The following MTHFD1L variants were observed in gnomAD, a reference collection of about 807,000 sequenced individuals.
MTHFD1L encodes monofunctional C1-tetrahydrofolate synthase, mitochondrial.
Under a neutral mutation model 119.5 loss-of-function variants are expected in MTHFD1L, and 81 were observed. That is an observed-to-expected ratio of 0.68 (90% CI 0.57 to 0.82). The LOEUF (loss-of-function observed/expected upper bound fraction) is 0.82. Ranked by LOEUF, MTHFD1L falls within the 40% of genes least tolerant of loss-of-function variation. The probability of loss-of-function intolerance (pLI) is 0.00; values close to 1 mark genes in which losing one functional copy is unlikely to be tolerated. For missense variants in MTHFD1L, 1,125 were observed against 1,253.4 expected (o/e 0.90, Z 1.55); for synonymous variants, 430 against 475.2 (o/e 0.90, Z 1.24).
chr6:151,009,272 C>T lies in MTHFD1L; in HGVS notation c.2126-547C>T, dbSNP rs151289066. ...TCACTGGCTGGTCACCTTGGCTCAA[C>T]GCCTGTAATCCCAGCACTTTGTGAG... On this transcript the variant is annotated intron_variant, in intron 20 of 27. Transcript: ENST00000367321. Among the ~76,000 whole-genome samples the T allele has an allele frequency of 2.3e-3, 352 of 151,770 alleles. 1 individual carries two copies. Among genetic ancestry groups the T allele is most frequent in the African/African-American group, 7.7e-3 (317 of 41,402 alleles).
At chr6:150,991,849 C>T (rs1036474043) in intron 20 of MTHFD1L, among the ~76,000 whole-genome samples, 4 of 152,118 alleles carry the variant, frequency 2.6e-5, no homozygotes, top group African/African-American at 9.7e-5. Context: ...CAGGAAGGCT[C>T]TCCTGAGAAG....
chr6:151,013,679 A>G (rs1009989066), intron 21 of MTHFD1L, 100 bp from the exon 22 acceptor site: 1 of 1,107,592 alleles, frequency 9.0e-7, no homozygotes. Context: ...ATAGAGGTAC[A>G]TTTCTAAAAA....
intron 24 of MTHFD1L, among the ~76,000 whole-genome samples, chr6:151,030,830 G>A (rs887748273): frequency 6.6e-6 from 1 of 152,160 alleles, no homozygotes; most frequent in Non-Finnish European, 1.5e-5. Context: ...AGATGGTCCC[G>A]AGGCTCAAAG....
At chr6:150,922,731 C>G (rs1319792279) in intron 10 of MTHFD1L, among the ~76,000 whole-genome samples, 1 of 150,498 alleles carries the variant, frequency 6.6e-6, no homozygotes, top group East Asian at 2.0e-4. Flanking sequence ...GCAACCTCTA[C>G]CTCCCAGGTT....
At position 150,890,235 on chromosome 6, in the gene MTHFD1L, T is replaced by C. The variant is rs575971651; in HGVS notation, c.780+2254T>C. On this transcript the variant is annotated intron_variant, in intron 7 of 27. Transcript: ENST00000367321. ...AATAGACAAAACTTGCCCATATATA[T>C]ACAAAGGTGTGTTTACAAATGGTCA... is the stretch of plus-strand genomic sequence containing the variant. Among the ~76,000 whole-genome samples, 458 of 152,332 alleles carry C rather than the reference T, an allele frequency of 3.0e-3. 5 individuals are homozygous for C. The highest frequency in any genetic ancestry group is 5.6e-3 in the Non-Finnish European group (382 of 68,026).
rs770878050 is a variant in MTHFD1L at position 150,938,761 on chromosome 6, G to A, written c.1440+16G>A. 1.2e-6 allele frequency: 2 copies of A among 1,600,990 alleles called. No individual in the cohort carries two copies. Among genetic ancestry groups the A allele is most frequent in the Middle Eastern group, 1.7e-4 (1 of 6,040 alleles). ...CATGGAGGAGGTAAGACCTTGAAGAGATGCGGGTCAGCTATCACTGTGTTT... is the reference window on the plus strand; with the variant it reads ...CATGGAGGAGGTAAGACCTTGAAGAAATGCGGGTCAGCTATCACTGTGTTT... On this transcript the variant is annotated intron_variant, in intron 13 of 27. Transcript: ENST00000367321.
chr6:151,013,684 T>C, intron 21 of MTHFD1L, 95 bp from the exon 22 acceptor site: 1 of 1,178,240 alleles, frequency 8.5e-7, no homozygotes, highest in Non-Finnish European at 1.2e-6. Context: ...GGTACATTTC[T>C]AAAAATTGAA....
At position 150,977,540 on chromosome 6, in the gene MTHFD1L, C is replaced by G. The variant is rs13200936; in HGVS notation, c.2125+5482C>G. On this transcript the variant is annotated intron_variant, in intron 20 of 27. Transcript: ENST00000367321. Reference sequence around the variant, plus strand: ...CAGATATTTGGCATCGAATTCTAATCATGTATTACATTTAAAAAATAAAGC... The same window carrying G: ...CAGATATTTGGCATCGAATTCTAATGATGTATTACATTTAAAAAATAAAGC... 9.0e-3 allele frequency among the ~76,000 whole-genome samples: 1,374 copies of G among 152,218 alleles called. 12 individuals are homozygous for G. The highest frequency in any genetic ancestry group is 0.014 in the Non-Finnish European group (970 of 68,004).
At chr6:150,909,861 G>A (rs147495833) in intron 8 of MTHFD1L, among the ~76,000 whole-genome samples, 16 of 152,306 alleles carry the variant, frequency 1.1e-4, no homozygotes, top group African/African-American at 3.6e-4. Context: ...ACTTTCTCTC[G>A]TATGGCTCTG....
intron 20 of MTHFD1L, among the ~76,000 whole-genome samples, chr6:150,985,603 G>T (rs1778176493): frequency 6.8e-6 from 1 of 147,818 alleles, no homozygotes; most frequent in African/African-American, 2.5e-5. Flanking sequence ...GGAGGTTGCG[G>T]TGAGCCAAGA....
chr6:150,896,927 G>A lies in MTHFD1L; in HGVS notation c.781-8723G>A, dbSNP rs572932190. ...TCGAGACCATCCTGGCTAACACGGT[G>A]AAACCCTGTCTCTACTAAAAAAAAA... is the stretch of plus-strand genomic sequence containing the variant. On this transcript the variant is annotated intron_variant, in intron 7 of 27. Transcript: ENST00000367321. Among the ~76,000 whole-genome samples, 10 of 150,888 alleles carry A rather than the reference G, an allele frequency of 6.6e-5. No individual in the cohort carries two copies. The East Asian group carries it at 1.6e-3, about 24-fold the overall frequency.
intron 11 of MTHFD1L, among the ~76,000 whole-genome samples, chr6:150,928,628 G>A (rs1790462903): frequency 6.7e-6 from 1 of 149,254 alleles, no homozygotes; most frequent in South Asian, 2.1e-4. Context: ...TGCAACCTCT[G>A]CCCCCTGGGT....
At chr6:151,080,986 C>T (rs1793088309) in intron 26 of MTHFD1L, among the ~76,000 whole-genome samples, 1 of 152,150 alleles carries the variant, frequency 6.6e-6, no homozygotes, top group Non-Finnish European at 1.5e-5. Context: ...TCCCTACAGC[C>T]TCGACTTCCT....
chr6:150,868,791 C>A (rs578241868), intron 1 of MTHFD1L, among the ~76,000 whole-genome samples: 16 of 152,232 alleles, frequency 1.1e-4, no homozygotes, highest in Admixed American at 9.8e-4. Context: ...GGCCAGGCAC[C>A]ATGGTTCATG....
intron 24 of MTHFD1L, among the ~76,000 whole-genome samples, chr6:151,026,826 T>TTTTC (rs1225078683): frequency 2.2e-4 from 26 of 118,376 alleles, no homozygotes; most frequent in Admixed American, 7.0e-4. Flanking sequence ...TATCCTTTTT[T>TTTTC]TTTTTTTTTT....
intron 22 of MTHFD1L, 32 bp from the exon 23 acceptor site, chr6:151,014,848 G>C: frequency 6.3e-7 from 1 of 1,577,630 alleles, no homozygotes; most frequent in South Asian, 1.1e-5. Flanking sequence ...CAATACACAG[G>C]GGTCTGGGTT....
chr6:150,923,022 A>T (rs1789262609), intron 10 of MTHFD1L, among the ~76,000 whole-genome samples: 1 of 152,138 alleles, frequency 6.6e-6, no homozygotes. Flanking sequence ...AATATTTGGA[A>T]TATGCTTTTC....
intron 20 of MTHFD1L, among the ~76,000 whole-genome samples, chr6:150,992,310 A>C (rs1779162058): frequency 1.3e-5 from 2 of 152,188 alleles, no homozygotes; most frequent in Admixed American, 6.5e-5. Flanking sequence ...TGTGTATACA[A>C]TCTGTTACAT....
At position 151,009,823 on chromosome 6, in the gene MTHFD1L, C is replaced by T. The variant is rs761268026; in HGVS notation, c.2130C>T (p.Thr710=). Residue 710 remains threonine (T), a synonymous_variant, in exon 21 of 28, where the codon ACC becomes ACT. Transcript: ENST00000367321. The part of the protein sequence containing the change: ...KLVGEEGFVV[T]EAGFGADIGM... ...ATTCCACTTGCTTCCCCACAGTGAC[C>T]GAAGCTGGCTTTGGTGCTGACATCG... 9 of 1,613,296 alleles carry T rather than the reference C, an allele frequency of 5.6e-6. No individual in the cohort carries two copies. Among genetic ancestry groups the T allele is most frequent in the South Asian group, 4.4e-5 (4 of 90,904 alleles).
Sources: gnomAD v4.1 joint callset for allele counts (sites outside exome capture counted in the v4.1 genomes callset) on GRCh38, gnomAD v4.1.1 for gene constraint, MANE v1.5 for transcripts, NCBI Gene and HGNC (gene_info 2026-07-23, HGNC 2026-07-21) for gene names.